BAIAP3: variants seen among roughly 807,000 people sequenced by gnomAD.
The protein encoded by BAIAP3 is BAI1-associated protein 3.
Under a neutral mutation model 149.7 loss-of-function variants are expected in BAIAP3, and 180 were observed. That is an observed-to-expected ratio of 1.20 (90% confidence interval 1.07 to 1.36). The LOEUF (loss-of-function observed/expected upper bound fraction) is 1.36, where lower values mean the gene tolerates loss of function less well. Ranked by LOEUF, BAIAP3 falls within the 40% of genes most tolerant of loss-of-function variation. The pLI, the probability that BAIAP3 is intolerant of heterozygous loss-of-function variation, is 0.00. For synonymous variants in BAIAP3, 845 were observed against 670.7 expected (o/e 1.26, Z -4.02); for missense variants, 1,767 against 1,563.4 (o/e 1.13, Z -2.20).
chr16:1,341,411 C>T lies in BAIAP3; in HGVS notation c.653C>T (p.Pro218Leu). Residue 218 changes from proline to leucine, a missense_variant, in exon 8 of 34, where the codon CCC becomes CTC. Transcript: ENST00000426824. ...GFRKGSKRGG[P>L]LPAKCIQVTE... The stretch of plus-strand genomic sequence containing the variant: ...CGCAAGGGCAGCAAGCGCGGTGGAC[C>T]CCTGCCTGCCAAGTGCATCCAGGTC... 1.9e-6 allele frequency: 3 copies of T among 1,612,662 alleles called. No homozygotes were observed. Among genetic ancestry groups the T allele is most frequent in the Non-Finnish European group, 2.5e-6 (3 of 1,179,908 alleles).
At chr16:1,343,312 AG>A in intron 14 of BAIAP3, 80 bp from the exon 15 acceptor site, 2 of 1,518,156 alleles carry the variant, frequency 1.3e-6, no homozygotes, top group Non-Finnish European at 1.8e-6. Context: ...GGGCAGAGAA[AG>A]GGGTAGTGCT....
intron 1 of BAIAP3, chr16:1,336,187 C>G: frequency 1.0e-6 from 1 of 984,682 alleles, no homozygotes; most frequent in Non-Finnish European, 1.2e-6. Flanking sequence ...GCTCCAGCAG[C>G]GGCTGCTCCA....
In BAIAP3 at chr16:1,345,771, A is replaced by G; in HGVS notation, c.2089A>G (p.Arg697Gly). The change falls in exon 23 of 34, where the codon AGG becomes GGG. Residue 697 changes from arginine (R) to glycine (G), a missense_variant. Transcript: ENST00000426824. The stretch of plus-strand genomic sequence containing the variant: ...GCTGGAGCCCGTGGACGCCTCCTCC[A>G]GGCACAGCAGCTCCGCAGCCACTGC... Reference protein sequence around the residue: ...DTLEPVDASSRHSSSAATAGL... With the variant: ...DTLEPVDASSGHSSSAATAGL... 1 of 1,530,840 alleles carries G rather than the reference A, an allele frequency of 6.5e-7. No homozygotes were observed. The highest frequency in any genetic ancestry group is 1.2e-5 in the South Asian group (1 of 84,516). 94.8% of individuals were successfully genotyped at this position (1,530,840 alleles called of 1,614,324 possible).
At chr16:1,344,568 C>T (rs781200421) in intron 18 of BAIAP3, 33 bp from the exon 19 acceptor site, 64 of 1,612,460 alleles carry the variant, frequency 4.0e-5, no homozygotes, top group Non-Finnish European at 4.7e-5. Context: ...TACGGGCAGC[C>T]GAGAGGTGGG....
intron 5 of BAIAP3, among the ~76,000 whole-genome samples, chr16:1,340,554 G>A (rs1160514849): frequency 6.6e-6 from 1 of 152,028 alleles, no homozygotes; most frequent in Non-Finnish European, 1.5e-5. Context: ...ACAGGCTGCA[G>A]GTGCACACAG....
chr16:1,335,117 G>C (rs984364526), intron 1 of BAIAP3, among the ~76,000 whole-genome samples: 4 of 152,238 alleles, frequency 2.6e-5, no homozygotes. Context: ...AGACAGCTTG[G>C]CTTAAGAGTC....
At chr16:1,347,484 C>G (rs1465884644) in intron 29 of BAIAP3, 61 bp from the exon 30 acceptor site, 26 of 1,572,476 alleles carry the variant, frequency 1.7e-5, no homozygotes, top group Non-Finnish European at 2.2e-5. Flanking sequence ...AGTCAGGTCT[C>G]CAAGTGCCAG....
In BAIAP3 at chr16:1,347,303, G is replaced by C; in HGVS notation, c.2757G>C (p.Leu919=). ...YSRFHFTLEA[L]VSFFHAEGQG... ...GCCTTCTTTCCCTGCCCCAGGCCCTGGTCAGTTTTTTCCACGCAGAGGGTC... is the reference window on the plus strand; with the variant it reads ...GCCTTCTTTCCCTGCCCCAGGCCCTCGTCAGTTTTTTCCACGCAGAGGGTC... The change falls in exon 29 of 34, where the codon CTG becomes CTC. Residue 919 remains leucine (L), a synonymous_variant. Transcript: ENST00000426824. The C allele has an allele frequency of 6.2e-7, 1 of 1,613,210 alleles. No homozygotes were observed. The highest frequency in any genetic ancestry group is 2.2e-5 in the East Asian group (1 of 44,886).
chr16:1,346,650 C>T lies in BAIAP3; in HGVS notation c.2608C>T (p.Leu870=). The change falls in exon 27 of 34, where the codon CTG becomes TTG. Residue 870 remains leucine (L), a synonymous_variant. Transcript: ENST00000426824. ...GTACCTGGATGAGAAGCTGGCCCTG[C>T]TGAACGCCTCGCTGGTGAAGGGGAA... ...MKYLDEKLAL[L]NASLVKGNLS... 1 of 1,518,692 alleles carries T rather than the reference C, an allele frequency of 6.6e-7. No homozygotes were observed. The allele number at this position is 1,518,692 out of a possible 1,614,324, so 94.1% of individuals were successfully genotyped here. A position where few individuals can be genotyped will look rare whatever the true frequency, so the allele number is the denominator to read the frequency against.
intron 30 of BAIAP3, 29 bp from the exon 31 acceptor site, chr16:1,347,672 C>T: frequency 1.9e-6 from 3 of 1,612,266 alleles, no homozygotes; most frequent in Non-Finnish European, 2.5e-6. Context: ...GCTCCCAGAG[C>T]CCAGCTGCGC....
At chr16:1,341,766 C>T (rs73485663) in intron 8 of BAIAP3, 56 bp from the exon 9 acceptor site, 23 of 1,573,886 alleles carry the variant, frequency 1.5e-5, no homozygotes, top group South Asian at 2.3e-5. Context: ...TCCCTGACCC[C>T]GGCCTGGGCA....
At chr16:1,339,321 T>G (rs2033692760) in intron 4 of BAIAP3, 77 bp downstream of exon 4, 2 of 1,530,214 alleles carry the variant, frequency 1.3e-6, no homozygotes, top group South Asian at 1.2e-5. Flanking sequence ...ACCTACTGTG[T>G]GCACAGGGTC....
intron 1 of BAIAP3, among the ~76,000 whole-genome samples, chr16:1,337,252 A>C (rs11864305): frequency 6.6e-6 from 1 of 152,028 alleles, no homozygotes; most frequent in Admixed American, 6.5e-5. Context: ...GTGCTGGCTC[A>C]TGCCTGTAAT....
chr16:1,339,119 G>C, intron 3 of BAIAP3, 45 bp from the exon 4 acceptor site: 2 of 1,574,042 alleles, frequency 1.3e-6, no homozygotes, highest in Non-Finnish European at 1.7e-6. Flanking sequence ...GCAGGCCTGG[G>C]GCTCTCCCTG....
At chr16:1,335,855 T>G (rs1258439584) in intron 1 of BAIAP3, among the ~76,000 whole-genome samples, 2 of 152,134 alleles carry the variant, frequency 1.3e-5, no homozygotes, top group Non-Finnish European at 2.9e-5. Context: ...AGACCTTGAC[T>G]GCCGTCCCCA....
Position 1,345,909 on chromosome 16 carries a change from G to C in BAIAP3, c.2208+19G>C. The C allele has an allele frequency of 6.3e-7, 1 of 1,579,512 alleles. No individual in the cohort carries two copies. ...TGGCCAGGTGTGTGGGTGGGCCCTG[G>C]GGGTGAGGGGAACGGGTGGGAGAGG... On this transcript the variant is annotated intron_variant, in intron 23 of 33. Coordinates refer to ENST00000426824, the MANE Select transcript of BAIAP3 (RefSeq NM_001199097.2).
intron 5 of BAIAP3, among the ~76,000 whole-genome samples, chr16:1,340,150 G>T (rs2033800584): frequency 7.9e-6 from 1 of 126,076 alleles, no homozygotes. Context: ...GGCTGCAGGT[G>T]CACACAGACA....
intron 1 of BAIAP3, chr16:1,336,253 A>C: frequency 5.1e-6 from 5 of 985,302 alleles, no homozygotes; most frequent in Non-Finnish European, 4.8e-6. Flanking sequence ...AGGGAGGGGA[A>C]GGGGGCTTGT....
At position 1,347,746 on chromosome 16, in the gene BAIAP3, C is replaced by T; in HGVS notation, c.2950C>T (p.His984Tyr). 3 of 1,610,010 alleles carry T rather than the reference C, an allele frequency of 1.9e-6. No homozygotes were observed. Among genetic ancestry groups the T allele is most frequent in the South Asian group, 2.2e-5 (2 of 91,010 alleles). Residue 984 changes from histidine to tyrosine, a missense_variant, in exon 31 of 34, where the codon CAT becomes TAT. Transcript: ENST00000426824. The stretch of plus-strand genomic sequence containing the variant: ...GTTTGGACGCCTGAGCGTCCGTTGC[C>T]ATTACGAGGCGGCTGAGCAGCGGCT... ...NRFGRLSVRC[H>Y]YEAAEQRLAV...
Sources: gnomAD v4.1 joint callset for allele counts (sites outside exome capture counted in the v4.1 genomes callset) on GRCh38, gnomAD v4.1.1 for gene constraint, MANE v1.5 for transcripts, NCBI Gene and HGNC (gene_info 2026-07-23, HGNC 2026-07-21) for gene names.